GTPBP2: variants seen among roughly 807,000 people sequenced by gnomAD.
GTPBP2 encodes the protein GTP-binding protein 2.
In GTPBP2, 32 loss-of-function variants were observed where a neutral mutation model predicts 63.0. The observed-to-expected ratio is 0.51, with a 90% confidence interval of 0.38 to 0.68. The LOEUF (loss-of-function observed/expected upper bound fraction) is 0.68. Among genes scored for constraint, GTPBP2 ranks in the 30% least tolerant of loss-of-function variants. The pLI is 0.00. For synonymous variants in GTPBP2, 310 were observed against 322.6 expected, an observed-to-expected ratio of 0.96 and a Z score of 0.42; for missense variants, 492 against 796.9, an observed-to-expected ratio of 0.62 and a Z score of 4.61.
chr6:43,622,416 A>G lies in GTPBP2; in HGVS notation c.1467+217T>C, dbSNP rs1251597598. ...GAACACTAAAAATAGTGTTCATTAA[A>G]AACAGTGTAACATAGTGATTCATAT... On this transcript the variant is annotated intron_variant, in intron 10 of 11. Transcript: ENST00000307126. The surrounding 1 kb of genome is among the most constrained non-coding windows in gnomAD (Gnocchi z 5.4). Among the ~76,000 whole-genome samples, 1 of 152,192 alleles carries G rather than the reference A, an allele frequency of 6.6e-6. No homozygotes were observed. Among genetic ancestry groups the G allele is most frequent in the Non-Finnish European group, 1.5e-5 (1 of 68,026 alleles).
chr6:43,629,799 C>A, upstream of GTPBP2: 2 of 1,560,750 alleles, frequency 1.3e-6, no homozygotes, highest in Non-Finnish European at 1.7e-6. Context: ...AGGGCGGAGG[C>A]GGATGGTGAT....
Position 43,626,357 on chromosome 6 carries a change from CATTT to C in GTPBP2, c.263_266del (p.Gln88ArgfsTer18). The C allele has an allele frequency of 1.2e-6, 2 of 1,614,242 alleles. No individual in the cohort carries two copies. The highest frequency in any genetic ancestry group is 1.3e-5 in the African/African-American group (1 of 75,070). On this transcript the variant is annotated frameshift_variant, in exon 3 of 12. Coordinates refer to ENST00000307126, the MANE Select transcript of GTPBP2 (RefSeq NM_019096.5). LOFTEE classifies it high-confidence loss of function. The surrounding 1 kb of genome is among the most constrained non-coding windows in gnomAD (Gnocchi z 4.0). ...CACGTCCCTCCTGGAGCCGCCACTT[CATTT>C]GTGTCACCAGGTGCTCAAAGCGGTA...
In GTPBP2 at chr6:43,621,133, G is replaced by C; in HGVS notation, c.*481C>G. ...CTCTGGGCCGCCACCACCACCAGAT[G>C]GCCAAGAGCAGATAACCTTTTGTCC... On this transcript the variant is annotated 3_prime_UTR_variant, in exon 12 of 12. Transcript: ENST00000307126. 1 of 311,606 alleles carries C rather than the reference G, an allele frequency of 3.2e-6. No homozygotes were observed. The allele number at this position is 311,606 out of a possible 1,614,324, so 19.3% of individuals were successfully genotyped here. A position where few individuals can be genotyped will look rare whatever the true frequency, so the allele number is the denominator to read the frequency against.
intron 1 of GTPBP2, chr6:43,628,500 G>A: frequency 1.1e-6 from 1 of 877,210 alleles, no homozygotes; most frequent in Non-Finnish European, 1.4e-6. Flanking sequence ...GTGTGTGTGT[G>A]TGTGTAGTGA....
upstream of GTPBP2, among the ~76,000 whole-genome samples, chr6:43,629,941 A>C (rs1021323211): frequency 6.6e-6 from 1 of 152,236 alleles, no homozygotes; most frequent in Non-Finnish European, 1.5e-5. Context: ...CCCCGACACG[A>C]GACCCGAACC....
intron 1 of GTPBP2, among the ~76,000 whole-genome samples, chr6:43,628,301 G>C (rs1340970718): frequency 1.3e-5 from 2 of 152,188 alleles, no homozygotes; most frequent in African/African-American, 4.8e-5. Context: ...GGGAGGCCGA[G>C]GTTGCAGTGA....
In GTPBP2 at chr6:43,624,475, T is replaced by C; in HGVS notation, c.1100+35A>G. 6.7e-7 allele frequency: 1 copy of C among 1,486,324 alleles called. No individual in the cohort carries two copies. The highest frequency in any genetic ancestry group is 1.4e-5 in the African/African-American group (1 of 72,778). The allele number at this position is 1,486,324 out of a possible 1,614,324, so 92.1% of individuals were successfully genotyped here. Reference sequence around the variant, plus strand: ...GCCCTGGGCTCTGTGGCAGCCTTCCTAGTGGATCAGGGCTTTAGAGTAAGG... The same window carrying C: ...GCCCTGGGCTCTGTGGCAGCCTTCCCAGTGGATCAGGGCTTTAGAGTAAGG... On this transcript the variant is annotated intron_variant, in intron 7 of 11. Coordinates refer to ENST00000307126, the MANE Select transcript of GTPBP2 (RefSeq NM_019096.5). The surrounding 1 kb of genome is among the most constrained non-coding windows in gnomAD (Gnocchi z 5.1).
At position 43,622,057 on chromosome 6, in the gene GTPBP2, T is replaced by C. The variant is rs772319174; in HGVS notation, c.1578A>G (p.Thr526=). ...ATTFRRGFQV[T]VHVGNVRQTA... ...TCTGACGTACGTTGCCCACGTGTAC[T>C]GTCACCTGGAATCCTCGTCGGAAGG... The change falls in exon 11 of 12, where the codon ACA becomes ACG. Residue 526 remains threonine, a synonymous_variant. Coordinates refer to ENST00000307126, the MANE Select transcript of GTPBP2 (RefSeq NM_019096.5). The surrounding 1 kb of genome is among the most constrained non-coding windows in gnomAD (Gnocchi z 5.4). 23 of 1,614,040 alleles carry C rather than the reference T, an allele frequency of 1.4e-5. No homozygotes were observed. The highest frequency in any genetic ancestry group is 1.6e-4 in the Middle Eastern group (1 of 6,084).
chr6:43,625,856 G>A lies in GTPBP2; in HGVS notation c.407C>T (p.Ala136Val), dbSNP rs1245178755. The A allele has an allele frequency of 1.1e-5, 17 of 1,612,936 alleles. No homozygotes were observed. Among genetic ancestry groups the A allele is most frequent in the Non-Finnish European group, 1.4e-5 (17 of 1,179,106 alleles). ...TCGCTCTCGAAGAACGGTTATGTCT[G>A]CCCCAACCCTGTCACAGCAAGGCCA... ...TLHRMAEKVG[A>V]DITVLREREV... Residue 136 changes from alanine (A) to valine (V), a missense_variant, in exon 4 of 12, where the codon GCA becomes GTA. Physicochemically the swap from Ala to Val is moderately conservative, Grantham distance 64 (BLOSUM62 0). Transcript: ENST00000307126. The surrounding 1 kb of genome is among the most constrained non-coding windows in gnomAD (Gnocchi z 5.1).
At position 43,629,177 on chromosome 6, in the gene GTPBP2, AGCCCCCC is replaced by A; in HGVS notation, c.-22_-16del. The A allele has an allele frequency of 7.9e-7, 1 of 1,260,458 alleles. No individual in the cohort carries two copies. The highest frequency in any genetic ancestry group is 1.0e-6 in the Non-Finnish European group (1 of 1,002,156). 78.1% of individuals were successfully genotyped at this position (1,260,458 alleles called of 1,614,324 possible). A position where few individuals can be genotyped will look rare whatever the true frequency, so the allele number is the denominator to read the frequency against. ...CGCGAGTCCATCCGCCGCTGCCGCC[AGCCCCCC>A]GCCCGGCCCCTCCCCCGACCGCCGC... On this transcript the variant is annotated 5_prime_UTR_variant, in exon 1 of 12. Transcript: ENST00000307126.
At chr6:43,629,801 G>A (rs1380677600), upstream of GTPBP2, 2 of 1,560,664 alleles carry the variant, frequency 1.3e-6, no homozygotes, top group South Asian at 1.2e-5. Flanking sequence ...GGCGGAGGCG[G>A]ATGGTGATTA....
rs774560893 is a variant in GTPBP2 at position 43,624,854 on chromosome 6, C to G, written c.880+34G>C. ...CCCAGGGTAGGAGAGTCAGCACCCC[C>G]CTTCAGCCCTGTCCCTGCCCTAATG... On this transcript the variant is annotated intron_variant, in intron 6 of 11. Coordinates refer to ENST00000307126, the MANE Select transcript of GTPBP2 (RefSeq NM_019096.5). The surrounding 1 kb of genome is among the most constrained non-coding windows in gnomAD (Gnocchi z 5.1). 13 of 1,607,840 alleles carry G rather than the reference C, an allele frequency of 8.1e-6. No homozygotes were observed. Among genetic ancestry groups the G allele is most frequent in the Non-Finnish European group, 1.1e-5 (13 of 1,174,878 alleles).
chr6:43,626,178 T>TC lies in GTPBP2; in HGVS notation c.398+47dup, dbSNP rs766732687. The TC allele has an allele frequency of 8.4e-6, 13 of 1,553,748 alleles. No homozygotes were observed. Among genetic ancestry groups the TC allele is most frequent in the South Asian group, 1.1e-5 (1 of 88,220 alleles). On this transcript the variant is annotated intron_variant, in intron 3 of 11. Coordinates refer to ENST00000307126, the MANE Select transcript of GTPBP2 (RefSeq NM_019096.5). This position sits in a 1 kb window ranked among gnomAD's most constrained non-coding sequence, Gnocchi z 4.0. Reference sequence around the variant, plus strand: ...CCCTAGGTAACTGGGTATGCATGGGTCCCCCCAAGTCAGGTAAAGGAGAAC... The same window carrying TC: ...CCCTAGGTAACTGGGTATGCATGGGTCCCCCCCAAGTCAGGTAAAGGAGAAC...
Position 43,626,849 on chromosome 6 carries a change from G to T in GTPBP2, c.213+73C>A. The stretch of plus-strand genomic sequence containing the variant: ...ATCTCAAAAAAAAAAAAGAAAGAAA[G>T]AAAAAAGAAATTATCCCACACTGGC... On this transcript the variant is annotated intron_variant, in intron 2 of 11. Coordinates refer to ENST00000307126, the MANE Select transcript of GTPBP2 (RefSeq NM_019096.5). This position sits in a 1 kb window ranked among gnomAD's most constrained non-coding sequence, Gnocchi z 4.0. The T allele has an allele frequency of 2.5e-6, 3 of 1,185,940 alleles. No homozygotes were observed. Among genetic ancestry groups the T allele is most frequent in the Non-Finnish European group, 3.6e-6 (3 of 822,856 alleles). The allele number at this position is 1,185,940 out of a possible 1,614,324, so 73.5% of individuals were successfully genotyped here. A position where few individuals can be genotyped will look rare whatever the true frequency, so the allele number is the denominator to read the frequency against.
chr6:43,620,574 G>C lies in GTPBP2; in HGVS notation c.*1040C>G, dbSNP rs1234110876. 2 of 153,872 alleles carry C rather than the reference G, an allele frequency of 1.3e-5. No individual in the cohort carries two copies. Among genetic ancestry groups the C allele is most frequent in the African/African-American group, 4.8e-5 (2 of 41,380 alleles). 9.5% of individuals were successfully genotyped at this position (153,872 alleles called of 1,614,324 possible). ...ATATGTATATATATATATATGCACA[G>C]AGAAACCTTAGCCAACAAATCCCTG... On this transcript the variant is annotated 3_prime_UTR_variant, in exon 12 of 12. Coordinates refer to ENST00000307126, the MANE Select transcript of GTPBP2 (RefSeq NM_019096.5).
chr6:43,627,023 C>A, intron 1 of GTPBP2, 75 bp from the exon 2 acceptor site: 2 of 1,322,472 alleles, frequency 1.5e-6, no homozygotes, highest in South Asian at 2.6e-5. Context: ...CCCACTGGGT[C>A]CAGGTAGCTA....
At position 43,621,475 on chromosome 6, in the gene GTPBP2, TG is replaced by T; in HGVS notation, c.*138del. On this transcript the variant is annotated 3_prime_UTR_variant, in exon 12 of 12. Transcript: ENST00000307126. Reference sequence around the variant, plus strand: ...CAAGTTTGGCACCTCTCCAGAAAGTTGGCAGGGAGCAAGTGGCAGACAGCAC... The same window carrying T: ...CAAGTTTGGCACCTCTCCAGAAAGTTGCAGGGAGCAAGTGGCAGACAGCAC... The T allele has an allele frequency of 6.4e-7, 1 of 1,553,068 alleles. No individual in the cohort carries two copies. Among genetic ancestry groups the T allele is most frequent in the Non-Finnish European group, 8.7e-7 (1 of 1,147,844 alleles).
At chr6:43,628,504 G>T in intron 1 of GTPBP2, 1 of 820,668 alleles carries the variant, frequency 1.2e-6, no homozygotes, top group Non-Finnish European at 1.5e-6. Context: ...GTGTGTGTGT[G>T]TAGTGAACAT....
upstream of GTPBP2, chr6:43,629,564 T>A: frequency 1.5e-6 from 1 of 680,856 alleles, no homozygotes; most frequent in Non-Finnish European, 2.6e-6. Flanking sequence ...CCTCGAGGCC[T>A]GGGGTGGGGA....
Sources: gnomAD v4.1 joint callset for allele counts (sites outside exome capture counted in the v4.1 genomes callset) on GRCh38, gnomAD v4.1.1 for gene constraint, Gnocchi (gnomAD v3.1) non-coding constraint, MANE v1.5 for transcripts, NCBI Gene and HGNC (gene_info 2026-07-23, HGNC 2026-07-21) for gene names.